Variants in DRAM2 observed in about 807,000 individuals in gnomAD.
DRAM2 encodes the protein DNA damage-regulated autophagy modulator protein 2.
DRAM2 carries 26 observed loss-of-function variants against 33.5 expected under a neutral mutation model. The ratio of observed to expected loss-of-function variants is 0.78; its 90% confidence interval spans 0.57 to 1.08. The LOEUF (loss-of-function observed/expected upper bound fraction) is 1.08, where lower values mean the gene tolerates loss of function less well. DRAM2 is among the 50% of genes least tolerant of loss of function. DRAM2 has a pLI of 0.00. For synonymous variants in DRAM2, 98 were observed against 109.5 expected (o/e 0.89, Z 0.66); for missense variants, 311 against 318.1 (o/e 0.98, Z 0.17).
At chr1:111,121,484 A>G (rs1226956956) in intron 6 of DRAM2, among the ~76,000 whole-genome samples, 1 of 152,148 alleles carries the variant, frequency 6.6e-6, no homozygotes, top group African/African-American at 2.4e-5. Flanking sequence ...GCAGCACTAG[A>G]AAATTAATAC....
At chr1:111,137,080 C>G (rs1353441627) in intron 3 of DRAM2, among the ~76,000 whole-genome samples, 1 of 151,756 alleles carries the variant, frequency 6.6e-6, no homozygotes, top group Non-Finnish European at 1.5e-5. Flanking sequence ...GGTGAAACCC[C>G]GTCTCTACTA....
intron 3 of DRAM2, among the ~76,000 whole-genome samples, chr1:111,136,989 C>A (rs560105493): frequency 6.6e-6 from 1 of 150,764 alleles, no homozygotes; most frequent in Non-Finnish European, 1.5e-5. Flanking sequence ...CACGGTGGCT[C>A]GCGCCTGTAA....
At chr1:111,136,382 C>T (rs186029431) in intron 3 of DRAM2, among the ~76,000 whole-genome samples, 9 of 152,104 alleles carry the variant, frequency 5.9e-5, no homozygotes, top group African/African-American at 1.2e-4. Flanking sequence ...CTGGCCAGCA[C>T]GGTGAAACCC....
chr1:111,133,939 C>G (rs1652643372), intron 3 of DRAM2, among the ~76,000 whole-genome samples: 1 of 152,234 alleles, frequency 6.6e-6, no homozygotes, highest in Admixed American at 6.5e-5. Flanking sequence ...CCAACCAGGG[C>G]ACTCATTACA....
In DRAM2 at chr1:111,120,567, A is replaced by C; in HGVS notation, c.466T>G (p.Phe156Val). The change falls in exon 7 of 10, where the codon TTC becomes GTC. Residue 156 changes from phenylalanine to valine, a missense_variant. Coordinates refer to ENST00000484310, the MANE Select transcript of DRAM2 (RefSeq NM_001349884.2). ...ATAACCAACAACAGTCTGATCCAGAAGACTTGTTTGCCATGGATTTTGGGC... is the reference window on the plus strand; with the variant it reads ...ATAACCAACAACAGTCTGATCCAGACGACTTGTTTGCCATGGATTTTGGGC... ...MQPKIHGKQV[F>V]WIRLLLVIWC... The C allele has an allele frequency of 1.2e-6, 2 of 1,612,514 alleles. No homozygotes were observed. Among genetic ancestry groups the C allele is most frequent in the South Asian group, 2.2e-5 (2 of 90,966 alleles).
chr1:111,120,448 T>C (rs974662167), intron 7 of DRAM2, 68 bp downstream of exon 7: 11 of 600,642 alleles, frequency 1.8e-5, no homozygotes, highest in East Asian at 1.2e-4. Flanking sequence ...ACTGCACCAA[T>C]AGTGTTTACT....
chr1:111,136,427 T>C (rs1653162062), intron 3 of DRAM2, among the ~76,000 whole-genome samples: 1 of 151,582 alleles, frequency 6.6e-6, no homozygotes, highest in African/African-American at 2.4e-5. Context: ...TAGCCAGGCA[T>C]GGTGGCGTGC....
intron 3 of DRAM2, among the ~76,000 whole-genome samples, chr1:111,132,884 T>G (rs1277497824): frequency 6.6e-6 from 1 of 151,876 alleles, no homozygotes; most frequent in Non-Finnish European, 1.5e-5. Context: ...CTCATTATGT[T>G]GCCCAGGCTG....
chr1:111,138,832 T>C (rs1653870345), intron 2 of DRAM2, among the ~76,000 whole-genome samples: 1 of 152,248 alleles, frequency 6.6e-6, no homozygotes, highest in Non-Finnish European at 1.5e-5. Flanking sequence ...CTATCTTCTC[T>C]GCTCTCTTTG....
At chr1:111,132,001 G>A (rs560932936) in intron 3 of DRAM2, among the ~76,000 whole-genome samples, 2 of 152,170 alleles carry the variant, frequency 1.3e-5, no homozygotes, top group Admixed American at 1.3e-4. Flanking sequence ...TAAAACGCTT[G>A]GAATCTCCAG....
At chr1:111,125,010 A>T in intron 5 of DRAM2, 129 bp from the exon 6 acceptor site, 1 of 858,738 alleles carries the variant, frequency 1.2e-6, no homozygotes, top group Non-Finnish European at 1.7e-6. Flanking sequence ...ATCAGAGAGA[A>T]TAAAAAGAAA....
chr1:111,119,066 G>A (rs1357076739), intron 8 of DRAM2, among the ~76,000 whole-genome samples, 169 bp from the exon 9 acceptor site: 1 of 151,834 alleles, frequency 6.6e-6, no homozygotes, highest in African/African-American at 2.4e-5. Context: ...CCAGCATTAG[G>A]AAATCCTCCT....
chr1:111,123,395 C>A (rs979502447), intron 6 of DRAM2, among the ~76,000 whole-genome samples: 3 of 152,152 alleles, frequency 2.0e-5, no homozygotes, highest in African/African-American at 7.2e-5. Context: ...CCAAACCCAG[C>A]TCAGGTTCCT....
At chr1:111,130,862 C>CTGGG (rs1165293608) in intron 4 of DRAM2, among the ~76,000 whole-genome samples, 1 of 150,800 alleles carries the variant, frequency 6.6e-6, no homozygotes, top group Non-Finnish European at 1.5e-5. Context: ...AAGAAATCAG[C>CTGGG]TGGGCGTAGT....
At chr1:111,131,072 C>G (rs1219731163) in intron 4 of DRAM2, among the ~76,000 whole-genome samples, 1 of 151,820 alleles carries the variant, frequency 6.6e-6, no homozygotes, top group Non-Finnish European at 1.5e-5. Context: ...TTTGTCATTT[C>G]CATTATCTTT....
At chr1:111,124,946 A>G in intron 5 of DRAM2, 65 bp from the exon 6 acceptor site, 4 of 1,485,688 alleles carry the variant, frequency 2.7e-6, no homozygotes, top group Non-Finnish European at 1.8e-6. Context: ...TTGCCAATGA[A>G]GAGTTCACAA....
chr1:111,133,216 C>T (rs891605316), intron 3 of DRAM2, among the ~76,000 whole-genome samples: 1 of 143,854 alleles, frequency 7.0e-6, no homozygotes, highest in Non-Finnish European at 1.5e-5. Flanking sequence ...GTCACTGTGA[C>T]ACCCAGGCTG....
At chr1:111,124,319 T>C (rs1263057128) in intron 6 of DRAM2, among the ~76,000 whole-genome samples, 1 of 152,224 alleles carries the variant, frequency 6.6e-6, no homozygotes, top group Non-Finnish European at 1.5e-5. Context: ...CACCTAGGAA[T>C]GCAGGCAATC....
rs1193770484 is a variant in DRAM2 at position 111,125,008 on chromosome 1, G to T, written c.200-127C>A. The T allele has an allele frequency of 3.4e-5, 25 of 738,144 alleles. No individual in the cohort carries two copies. In the Admixed American group the frequency reaches 4.8e-4, roughly 14 times the overall value. The allele number at this position is 738,144 out of a possible 1,614,324, so 45.7% of individuals were successfully genotyped here. A position where few individuals can be genotyped will look rare whatever the true frequency, so the allele number is the denominator to read the frequency against. ...TTTTCCTTTTAAAATTAATCAGAGAGAATAAAAAGAAAAAAAAAAACAAAA... is the reference window on the plus strand; with the variant it reads ...TTTTCCTTTTAAAATTAATCAGAGATAATAAAAAGAAAAAAAAAAACAAAA... On this transcript the variant is annotated intron_variant, in intron 5 of 9. Transcript: ENST00000484310.
Sources: allele counts gnomAD v4.1 joint callset (sites outside exome capture counted in the v4.1 genomes callset), GRCh38; gene constraint gnomAD v4.1.1; transcripts MANE v1.5; gene names NCBI Gene and HGNC (gene_info 2026-07-23, HGNC 2026-07-21).